Variants in LAMP2 observed in about 807,000 individuals in gnomAD.
LAMP2 encodes lysosome-associated membrane glycoprotein 2.
A neutral mutation model predicts 25.6 loss-of-function variants in LAMP2; 4 were observed. That is an observed-to-expected ratio of 0.16 (90% CI 0.08 to 0.36). The LOEUF (loss-of-function observed/expected upper bound fraction) is 0.36. LAMP2 is among the 10% of genes least tolerant of loss of function. The pLI is 1.00. For synonymous variants in LAMP2, 108 were observed against 112.7 expected (o/e 0.96, Z 0.27); for missense variants, 272 against 301.4 (o/e 0.90, Z 0.72).
At chrX:120,454,057 G>A (rs2058633562) in intron 3 of LAMP2, among the ~76,000 whole-genome samples, 1 of 110,883 alleles carries the variant, frequency 9.0e-6, no homozygotes, top group Admixed American at 9.6e-5. Flanking sequence ...AATTCCAAAA[G>A]TAATCAATTC....
intron 5 of LAMP2, 143 bp downstream of exon 5, chrX:120,447,698 T>A (rs1419256949): frequency 5.6e-6 from 3 of 532,397 alleles, no homozygotes; most frequent in East Asian, 7.3e-5. Flanking sequence ...GGACAGAGCG[T>A]GACTCCATCT....
intron 1 of LAMP2, among the ~76,000 whole-genome samples, chrX:120,463,293 T>C (rs1351151894): frequency 8.9e-6 from 1 of 112,186 alleles, no homozygotes; most frequent in Non-Finnish European, 1.9e-5. Flanking sequence ...AGTAAGAATG[T>C]TGAACACATG....
chrX:120,450,445 T>C (rs1315728638), intron 3 of LAMP2, among the ~76,000 whole-genome samples: 1 of 112,319 alleles, frequency 8.9e-6, no homozygotes, highest in South Asian at 3.6e-4. Flanking sequence ...TTTCCCAGAA[T>C]TGCTTCTCAC....
chrX:120,462,288 AG>A (rs1020594384), intron 1 of LAMP2, among the ~76,000 whole-genome samples: 1 of 110,595 alleles, frequency 9.0e-6, no homozygotes, highest in Non-Finnish European at 1.9e-5. Context: ...TGGGAGGCCA[AG>A]GGGGGCAGAT....
intron 3 of LAMP2, among the ~76,000 whole-genome samples, chrX:120,454,156 TTGTCCAGTA>T (rs1298316603): frequency 1.8e-5 from 2 of 110,021 alleles, no homozygotes; most frequent in Admixed American, 9.7e-5. Context: ...AATCATCCCT[TTGTCCAGTA>T]TATCAACGTT....
At position 120,429,480 on chromosome X, in the gene LAMP2, A is replaced by G; in HGVS notation, c.*1843T>C. 1.5e-6 allele frequency: 1 copy of G among 676,649 alleles called. No homozygotes were observed. Among genetic ancestry groups the G allele is most frequent in the Non-Finnish European group, 1.8e-6 (1 of 568,676 alleles). The allele number at this position is 676,649 out of a possible 1,213,427, so 55.8% of individuals were successfully genotyped here. ...TCTAAAGCATCTGATACACATCAAG[A>G]GGTCAACAAGTATTCATTCTCTTCT... On this transcript the variant is annotated 3_prime_UTR_variant, in exon 9 of 9. Transcript: ENST00000200639.
chrX:120,446,477 C>G (rs751863729), intron 5 of LAMP2, 50 bp from the exon 6 acceptor site: 18 of 1,168,123 alleles, frequency 1.5e-5, no homozygotes, highest in Non-Finnish European at 2.0e-5. Flanking sequence ...ATAAAAGTGG[C>G]CAGCAAAGCC....
intron 8 of LAMP2, among the ~76,000 whole-genome samples, chrX:120,436,129 T>TACACACACACACAC (rs752616648): frequency 1.1e-5 from 1 of 89,652 alleles, no homozygotes; most frequent in African/African-American, 4.3e-5. Context: ...CAGGGGAGCT[T>TACACACACACACAC]ACACACACAC....
intron 8 of LAMP2, chrX:120,439,318 T>C: frequency 8.5e-7 from 1 of 1,170,263 alleles, no homozygotes; most frequent in Non-Finnish European, 1.2e-6. Flanking sequence ...AAGTGTGTAA[T>C]AAATAATGAG....
At chrX:120,465,022 C>T (rs974446251) in intron 1 of LAMP2, among the ~76,000 whole-genome samples, 6 of 111,554 alleles carry the variant, frequency 5.4e-5, no homozygotes, top group South Asian at 3.8e-4. Flanking sequence ...GGATTACAGG[C>T]GTGAGCCACC....
At chrX:120,437,131 G>A (rs1297928870) in intron 8 of LAMP2, 5 of 744,468 alleles carry the variant, frequency 6.7e-6, no homozygotes, top group African/African-American at 2.3e-5. Flanking sequence ...AATGCAGCTC[G>A]CTGTAGCTCT....
chrX:120,461,560 T>C (rs901040969), intron 1 of LAMP2, among the ~76,000 whole-genome samples: 3 of 111,715 alleles, frequency 2.7e-5, no homozygotes, highest in Non-Finnish European at 3.8e-5. Flanking sequence ...AACATTTCTG[T>C]CACTCGTTTG....
rs1166981048 is a variant in LAMP2 at position 120,429,826 on chromosome X, C to T, written c.*1497G>A. Reference sequence around the variant, plus strand: ...TTTCACTCCCCTTTCTGTAAATAATCGTTAAGGTCCTTTCCAGTAATAGCT... The same window carrying T: ...TTTCACTCCCCTTTCTGTAAATAATTGTTAAGGTCCTTTCCAGTAATAGCT... On this transcript the variant is annotated 3_prime_UTR_variant, in exon 9 of 9. Transcript: ENST00000200639. 5 of 751,453 alleles carry T rather than the reference C, an allele frequency of 6.7e-6. No homozygotes were observed. Among genetic ancestry groups the T allele is most frequent in the Non-Finnish European group, 4.7e-6 (3 of 638,085 alleles). 61.9% of individuals were successfully genotyped at this position (751,453 alleles called of 1,213,427 possible). A position where few individuals can be genotyped will look rare whatever the true frequency, so the allele number is the denominator to read the frequency against.
rs73639315 is a variant in LAMP2, at chrX:120,448,111, T to C, written c.557-86A>G. The C allele has an allele frequency of 0.017, 14,022 of 841,708 alleles. 1,080 individuals are homozygous for C. In the African/African-American group the frequency reaches 0.23, roughly 14 times the overall value. The allele number at this position is 841,708 out of a possible 1,213,427, so 69.4% of individuals were successfully genotyped here. A position where few individuals can be genotyped will look rare whatever the true frequency, so the allele number is the denominator to read the frequency against. ...CAGGGAAAACCAAAAAAAATTCTCA[T>C]AATAGAAGTCCAAAAGGGTTATATT... is the stretch of plus-strand genomic sequence containing the variant. On this transcript the variant is annotated intron_variant, in intron 4 of 8. Coordinates refer to ENST00000200639, the MANE Select transcript of LAMP2 (RefSeq NM_002294.3).
At chrX:120,460,187 C>T (rs765904063) in intron 1 of LAMP2, among the ~76,000 whole-genome samples, 19 of 109,755 alleles carry the variant, frequency 1.7e-4, no homozygotes, top group Non-Finnish European at 3.2e-4. Context: ...GCAGGAGAAT[C>T]GCTTGAACCT....
chrX:120,448,644 CTAAG>C, intron 4 of LAMP2, among the ~76,000 whole-genome samples: 1 of 112,297 alleles, frequency 8.9e-6, no homozygotes, highest in East Asian at 2.8e-4. Context: ...AATCTGATTT[CTAAG>C]CTTTGGTCTT....
Position 120,469,142 on chromosome X carries a change from G to A in LAMP2, c.28C>T (p.Pro10Ser), listed in dbSNP as rs1246273107. Residue 10 changes from proline to serine, a missense_variant, in exon 1 of 9, where the codon CCG (proline) becomes TCG (serine). Pro to Ser is a moderately conservative substitution (Grantham distance 74). Coordinates refer to ENST00000200639, the MANE Select transcript of LAMP2 (RefSeq NM_002294.3). ...CAGACCAGAACGAGCCCTGAGCCCG[G>A]AACCGGGAAGAGGCGGAAGCACACC... MVCFRLFPV[P>S]GSGLVLVCLV... 1 of 1,212,221 alleles carries A rather than the reference G, an allele frequency of 8.2e-7. No homozygotes were observed.
chrX:120,454,851 G>A (rs1287661291), intron 3 of LAMP2, among the ~76,000 whole-genome samples: 1 of 103,304 alleles, frequency 9.7e-6, no homozygotes, highest in Non-Finnish European at 2.0e-5. Flanking sequence ...TAAGAATTAA[G>A]TGAGATGCTG....
At position 120,429,189 on chromosome X, in the gene LAMP2, A is replaced by G; in HGVS notation, c.*2134T>C. On this transcript the variant is annotated 3_prime_UTR_variant, in exon 9 of 9. Transcript: ENST00000200639. ...ATATATATATATACACACACACACAATTATTTTTAGCTGAGCGGTGGCCTG... is the reference window on the plus strand; with the variant it reads ...ATATATATATATACACACACACACAGTTATTTTTAGCTGAGCGGTGGCCTG... 16 of 748,924 alleles carry G rather than the reference A, an allele frequency of 2.1e-5. No homozygotes were observed. The highest frequency in any genetic ancestry group is 2.5e-5 in the Non-Finnish European group (16 of 638,143). 61.7% of individuals were successfully genotyped at this position (748,924 alleles called of 1,213,427 possible). A position where few individuals can be genotyped will look rare whatever the true frequency, so the allele number is the denominator to read the frequency against.
Sources: allele counts gnomAD v4.1 joint callset (sites outside exome capture counted in the v4.1 genomes callset), GRCh38; gene constraint gnomAD v4.1.1; transcripts MANE v1.5; gene names NCBI Gene and HGNC (gene_info 2026-07-23, HGNC 2026-07-21).